FOXK2: variants seen among roughly 807,000 people sequenced by gnomAD.
FOXK2 encodes forkhead box protein K2.
A neutral mutation model predicts 53.3 loss-of-function variants in FOXK2; 24 were observed. The observed-to-expected ratio is 0.45, with a 90% CI of 0.33 to 0.63. The LOEUF (loss-of-function observed/expected upper bound fraction) is 0.63. FOXK2 is among the 30% of genes least tolerant of loss of function. FOXK2 has a pLI of 0.03. For synonymous variants in FOXK2, 505 were observed against 407.1 expected (o/e 1.24, Z -2.89); for missense variants, 952 against 910.5 (o/e 1.05, Z -0.59).
At chr17:82,594,171 G>C (rs1026654886) in intron 8 of FOXK2, among the ~76,000 whole-genome samples, 1 of 152,222 alleles carries the variant, frequency 6.6e-6, no homozygotes, top group Non-Finnish European at 1.5e-5. Context: ...TTATGACGTA[G>C]GTTGCCTGTG....
chr17:82,540,937 G>A (rs1001424641), intron 1 of FOXK2, among the ~76,000 whole-genome samples: 4 of 152,116 alleles, frequency 2.6e-5, no homozygotes, highest in Non-Finnish European at 4.4e-5. Flanking sequence ...TGGCACCTTC[G>A]GGGGCTGACA....
At position 82,557,366 on chromosome 17, in the gene FOXK2, CAG is replaced by C. The variant is rs549015066; in HGVS notation, c.420-5986_420-5985del. ...TTTTTATATATATATATTTTTGAGA[CAG>C]AATCTCACACTGTCACCCAGGCTGG... is the stretch of plus-strand genomic sequence containing the variant. On this transcript the variant is annotated intron_variant, in intron 1 of 8. Coordinates refer to ENST00000335255, the MANE Select transcript of FOXK2 (RefSeq NM_004514.4). 1.4e-3 allele frequency among the ~76,000 whole-genome samples: 206 copies of C among 146,448 alleles called. 3 individuals carry two copies. The Middle Eastern group carries it at 0.031, about 22-fold the overall frequency.
rs149606107 is a variant in FOXK2 at position 82,563,576 on chromosome 17, G to A, written c.614+28G>A. On this transcript the variant is annotated intron_variant, in intron 2 of 8. Transcript: ENST00000335255. ...GCGGCCATGGGGATGGGGGACTGGA[G>A]CATCCTTAGTCCCAGTGGCAGCCCC... 244 of 1,599,150 alleles carry A rather than the reference G, an allele frequency of 1.5e-4. 1 individual carries two copies. The African/African-American group carries it at 2.7e-3, about 18-fold the overall frequency.
At chr17:82,577,564 T>C (rs2045004333) in intron 4 of FOXK2, among the ~76,000 whole-genome samples, 1 of 152,038 alleles carries the variant, frequency 6.6e-6, no homozygotes. Context: ...CCGGGCCCTC[T>C]GTGCATACCG....
intron 1 of FOXK2, among the ~76,000 whole-genome samples, chr17:82,539,699 T>G (rs959548937): frequency 6.6e-6 from 1 of 151,724 alleles, no homozygotes; most frequent in Non-Finnish European, 1.5e-5. Context: ...GCATGGTGGC[T>G]CACGCCTGTA....
chr17:82,563,671 T>C lies in FOXK2; in HGVS notation c.614+123T>C, dbSNP rs986449613. ...AGAGAATGTGAGGTGGTGTTTAAAA[T>C]ATCATTGGATTTCTGCTCTGAATTT... On this transcript the variant is annotated intron_variant, in intron 2 of 8. Transcript: ENST00000335255. The C allele has an allele frequency of 1.9e-5, 15 of 806,738 alleles. 1 individual carries two copies. Among genetic ancestry groups the C allele is most frequent in the Middle Eastern group, 7.5e-4 (2 of 2,650 alleles). The allele number at this position is 806,738 out of a possible 1,614,324, so 50.0% of individuals were successfully genotyped here.
intron 8 of FOXK2, among the ~76,000 whole-genome samples, chr17:82,589,933 C>G (rs774760960): frequency 2.6e-5 from 4 of 152,040 alleles, no homozygotes; most frequent in Non-Finnish European, 4.4e-5. Flanking sequence ...GTAATCCCTG[C>G]TACTCTGGAC....
At chr17:82,592,621 G>A (rs111277201) in intron 8 of FOXK2, among the ~76,000 whole-genome samples, 1 of 152,178 alleles carries the variant, frequency 6.6e-6, no homozygotes, top group South Asian at 2.1e-4. Context: ...TGCCTTGATC[G>A]TTTGCTCCCT....
rs1328583444 is a variant in FOXK2, at chr17:82,595,699, T to C, written c.1787-5604T>C. Reference sequence around the variant, plus strand: ...CTAACAGTGGGGTCGGTCCCTGTTATTAAGCCTGTGTCACTATTCCCTGGG... The same window carrying C: ...CTAACAGTGGGGTCGGTCCCTGTTACTAAGCCTGTGTCACTATTCCCTGGG... On this transcript the variant is annotated intron_variant, in intron 8 of 8. Coordinates refer to ENST00000335255, the MANE Select transcript of FOXK2 (RefSeq NM_004514.4). 15 of 1,165,438 alleles carry C rather than the reference T, an allele frequency of 1.3e-5. No individual in the cohort carries two copies. The South Asian group carries it at 1.7e-4, about 13-fold the overall frequency. 72.2% of individuals were successfully genotyped at this position (1,165,438 alleles called of 1,614,324 possible). A position where few individuals can be genotyped will look rare whatever the true frequency, so the allele number is the denominator to read the frequency against.
chr17:82,598,468 C>T (rs374466832), intron 8 of FOXK2, among the ~76,000 whole-genome samples: 3 of 152,128 alleles, frequency 2.0e-5, no homozygotes, highest in African/African-American at 4.8e-5. Context: ...GTGAGTCAGC[C>T]GTGTTGTGCT....
At chr17:82,582,988 C>G in intron 5 of FOXK2, 54 bp downstream of exon 5, 14 of 1,296,108 alleles carry the variant, frequency 1.1e-5, no homozygotes, top group Non-Finnish European at 1.4e-5. Context: ...AACTTACCTT[C>G]AGTGTATTGG....
chr17:82,587,089 G>C lies in FOXK2; in HGVS notation c.1603G>C (p.Gly535Arg). The change falls in exon 8 of 9, where the codon GGC becomes CGC. Residue 535 changes from glycine (G) to arginine (R), a missense_variant. Around this residue, in one of 5 missense-constraint regions of FOXK2, gnomAD observed 551 missense variants for 385.1 expected, o/e 1.43. Coordinates refer to ENST00000335255, the MANE Select transcript of FOXK2 (RefSeq NM_004514.4). ...GAAAGTAGAGCCTATTCCCGCCATT[G>C]GCCACGCCACGCTCGGCACTGCCAG... is the stretch of plus-strand genomic sequence containing the variant. ...KVKVEPIPAI[G>R]HATLGTASRI... The C allele has an allele frequency of 6.3e-7, 1 of 1,594,448 alleles. No individual in the cohort carries two copies. The highest frequency in any genetic ancestry group is 8.6e-7 in the Non-Finnish European group (1 of 1,168,814).
intron 4 of FOXK2, among the ~76,000 whole-genome samples, chr17:82,573,558 T>TCACACACACA (rs1263537053): frequency 7.7e-5 from 7 of 90,656 alleles, no homozygotes; most frequent in African/African-American, 2.7e-4. Context: ...TCTCTCTCTC[T>TCACACACACA]CTCTCACACA....
chr17:82,520,307 T>G lies in FOXK2; in HGVS notation c.419T>G (p.Val140Gly). ...RGAPPLQLPR[V>G]CTFRFPSTNI... Reference sequence around the variant, plus strand: ...GCGCCGCCGCTGCAGCTGCCGCGCGTGTGAGTGGCCTCGGGGCGGGGCGGG... The same window carrying G: ...GCGCCGCCGCTGCAGCTGCCGCGCGGGTGAGTGGCCTCGGGGCGGGGCGGG... Residue 140 changes from valine (V) to glycine (G), a missense_variant and splice_region_variant, in exon 1 of 9, where the codon GTG becomes GGG. Physicochemically the swap from Val to Gly is moderately radical, Grantham distance 109. Around this residue, in one of 5 missense-constraint regions of FOXK2, gnomAD observed 76 missense variants for 128.2 expected, o/e 0.59. Transcript: ENST00000335255. The G allele has an allele frequency of 8.0e-7, 1 of 1,247,696 alleles. No individual in the cohort carries two copies. Among genetic ancestry groups the G allele is most frequent in the Non-Finnish European group, 1.0e-6 (1 of 986,842 alleles). The allele number at this position is 1,247,696 out of a possible 1,614,324, so 77.3% of individuals were successfully genotyped here.
intron 1 of FOXK2, among the ~76,000 whole-genome samples, chr17:82,524,135 C>T (rs1326583995): frequency 2.0e-5 from 3 of 151,378 alleles, no homozygotes; most frequent in African/African-American, 4.9e-5. Flanking sequence ...GTGATCCGTC[C>T]CGCCTCCGCT....
At chr17:82,522,396 C>A (rs1347331428) in intron 1 of FOXK2, among the ~76,000 whole-genome samples, 1 of 150,022 alleles carries the variant, frequency 6.7e-6, no homozygotes, top group African/African-American at 2.5e-5. Context: ...TGAGACGGAG[C>A]CTTGCTCTGT....
chr17:82,542,757 G>T (rs1454355382), intron 1 of FOXK2, among the ~76,000 whole-genome samples: 1 of 152,130 alleles, frequency 6.6e-6, no homozygotes, highest in East Asian at 1.9e-4. Flanking sequence ...GGATGCAGTG[G>T]CTCATGCCCA....
intron 1 of FOXK2, among the ~76,000 whole-genome samples, chr17:82,556,439 G>A (rs1285475382): frequency 6.2e-5 from 9 of 144,566 alleles, no homozygotes; most frequent in African/African-American, 2.1e-4. Context: ...GTGAGACTCC[G>A]TCTAAAAAAA....
At chr17:82,570,397 G>A (rs2044904542) in intron 3 of FOXK2, among the ~76,000 whole-genome samples, 1 of 152,198 alleles carries the variant, frequency 6.6e-6, no homozygotes, top group African/African-American at 2.4e-5. Flanking sequence ...GGCGGCTGAG[G>A]TGGGAGGATC....
Sources: gnomAD v4.1 joint callset for allele counts (sites outside exome capture counted in the v4.1 genomes callset) on GRCh38, gnomAD v4.1.1 for gene constraint, gnomAD v4.1.1 regional missense constraint, MANE v1.5 for transcripts, NCBI Gene and HGNC (gene_info 2026-07-23, HGNC 2026-07-21) for gene names.